HELLS: variants seen among roughly 807,000 people sequenced by gnomAD.
HELLS encodes lymphoid-specific helicase.
Under a neutral mutation model 120.0 loss-of-function variants are expected in HELLS, and 32 were observed. The observed-to-expected ratio is 0.27, with a 90% CI of 0.20 to 0.36. HELLS has a LOEUF of 0.36. Among genes scored for constraint, HELLS ranks in the 10% least tolerant of loss-of-function variants. The pLI is 1.00. For missense variants in HELLS, 650 were observed against 993.4 expected (o/e 0.65, Z 4.65); for synonymous variants, 341 against 323.4 (o/e 1.05, Z -0.58).
intron 12 of HELLS, among the ~76,000 whole-genome samples, chr10:94,585,065 T>G (rs1410508899): frequency 6.6e-6 from 1 of 152,014 alleles, no homozygotes; most frequent in East Asian, 1.9e-4. Context: ...TTCCTTTCCT[T>G]TTTTTATGCA....
At chr10:94,588,185 G>A (rs1845276517) in intron 12 of HELLS, 44 bp from the exon 13 acceptor site, 6 of 1,210,248 alleles carry the variant, frequency 5.0e-6, no homozygotes, top group Non-Finnish European at 5.9e-6. Context: ...TGAAAAACAA[G>A]AATGTTTAAT....
chr10:94,596,833 A>C (rs1171968729), intron 19 of HELLS, 27 bp from the exon 20 acceptor site: 12 of 1,141,856 alleles, frequency 1.1e-5, no homozygotes, highest in Non-Finnish European at 1.6e-5. Context: ...AGGAATTTTA[A>C]TGTTTTTAAT....
intron 10 of HELLS, chr10:94,577,740 A>G (rs1170427256): frequency 1.3e-5 from 2 of 152,358 alleles, no homozygotes; most frequent in Non-Finnish European, 2.9e-5. Context: ...AGCCTGGCCA[A>G]CATGACGAAA....
At position 94,545,841 on chromosome 10, in the gene HELLS, C is replaced by T. The variant is rs1240509000; in HGVS notation, c.-81C>T. ...GGGGGATTTGGCTAGAAGGCTGGGC[C>T]GGCAGCGGTTGTGAGGAGTTAGCTC... On this transcript the variant is annotated 5_prime_UTR_variant, in exon 1 of 22. Coordinates refer to ENST00000348459, the MANE Select transcript of HELLS (RefSeq NM_018063.5). 6 of 1,460,742 alleles carry T rather than the reference C, an allele frequency of 4.1e-6. No homozygotes were observed. Among genetic ancestry groups the T allele is most frequent in the South Asian group, 1.2e-5 (1 of 82,236 alleles). 90.5% of individuals were successfully genotyped at this position (1,460,742 alleles called of 1,614,324 possible).
downstream of HELLS, among the ~76,000 whole-genome samples, chr10:94,603,832 CCT>C (rs1846094976): frequency 5.1e-5 from 3 of 58,956 alleles, no homozygotes; most frequent in African/African-American, 1.6e-4. Context: ...TTCTTTCTTT[CCT>C]TTTTTTCCCC....
intron 12 of HELLS, among the ~76,000 whole-genome samples, chr10:94,584,889 G>A (rs889829505): frequency 6.6e-6 from 1 of 152,044 alleles, no homozygotes; most frequent in Non-Finnish European, 1.5e-5. Flanking sequence ...AATATTCTCT[G>A]TAATACTGTG....
At chr10:94,571,116 C>G (rs1483306420) in intron 6 of HELLS, 2 of 264,254 alleles carry the variant, frequency 7.6e-6, no homozygotes, top group East Asian at 2.1e-4. Flanking sequence ...TGTACTTAAT[C>G]TACTCAGATT....
At chr10:94,553,280 ACT>A (rs926465327) in intron 2 of HELLS, among the ~76,000 whole-genome samples, 1 of 148,840 alleles carries the variant, frequency 6.7e-6, no homozygotes, top group African/African-American at 2.5e-5. Flanking sequence ...ACGGAGTCTC[ACT>A]CTGTCACCCA....
At position 94,554,644 on chromosome 10, in the gene HELLS, G is replaced by GTTTTTTTTTTTTT. The variant is rs199878580; in HGVS notation, c.276+407_276+408insTTTTTTTTTTTTT. On this transcript the variant is annotated intron_variant, in intron 3 of 21. Coordinates refer to ENST00000348459, the MANE Select transcript of HELLS (RefSeq NM_018063.5). ...TCCTTGGAATCTTCAAAGTAATAGT[G>GTTTTTTTTTTTTT]TTTTTTTTTTTGTTTTTTTTTTTTT... is the stretch of plus-strand genomic sequence containing the variant. Among the ~76,000 whole-genome samples the GTTTTTTTTTTTTT allele has an allele frequency of 1.3e-4, 13 of 103,104 alleles. 3 individuals carry two copies. Among genetic ancestry groups the GTTTTTTTTTTTTT allele is most frequent in the African/African-American group, 3.1e-4 (8 of 25,948 alleles). 67.6% of individuals were successfully genotyped at this position (103,104 alleles called of 152,430 possible). A position where few individuals can be genotyped will look rare whatever the true frequency, so the allele number is the denominator to read the frequency against.
intron 18 of HELLS, among the ~76,000 whole-genome samples, chr10:94,593,829 AT>A (rs566593692): frequency 6.6e-6 from 1 of 151,884 alleles, no homozygotes; most frequent in South Asian, 2.1e-4. Flanking sequence ...TGCCTGGCTA[AT>A]TTTTGTGTTT....
In HELLS at chr10:94,596,962, T is replaced by A; in HGVS notation, c.2345+6T>A. The A allele has an allele frequency of 6.9e-7, 1 of 1,459,110 alleles. No homozygotes were observed. The highest frequency in any genetic ancestry group is 9.6e-7 in the Non-Finnish European group (1 of 1,046,272). 90.4% of individuals were successfully genotyped at this position (1,459,110 alleles called of 1,614,324 possible). A position where few individuals can be genotyped will look rare whatever the true frequency, so the allele number is the denominator to read the frequency against. ...AAATCTAGAGATTATGAAAGGTGAG[T>A]TTTTAATTTTAGAAAGATTTAATTT... On this transcript the variant is annotated splice_donor_region_variant and intron_variant, in intron 20 of 21. Transcript: ENST00000348459.
In HELLS at chr10:94,597,587, C is replaced by T. The variant is rs532398982; in HGVS notation, c.2422+476C>T. Among the ~76,000 whole-genome samples the T allele has an allele frequency of 6.6e-5, 10 of 152,144 alleles. No individual in the cohort carries two copies. In the East Asian group the frequency reaches 7.7e-4, roughly 12 times the overall value. On this transcript the variant is annotated intron_variant, in intron 21 of 21. Transcript: ENST00000348459. ...TTGCCCTGTCGCCCAGGCTGGAGTG[C>T]GCTGACACGATCTCAGCTCACTGCA...
rs1195370295 is a variant in HELLS at position 94,574,151 on chromosome 10, G to A, written c.669G>A (p.Met223Ile). 1.2e-6 allele frequency: 2 copies of A among 1,613,838 alleles called. No homozygotes were observed. The highest frequency in any genetic ancestry group is 1.7e-5 in the Admixed American group (1 of 60,026). The change falls in exon 8 of 22, where the codon ATG becomes ATA. Residue 223 changes from methionine to isoleucine, a missense_variant. Met to Ile is a conservative substitution (Grantham distance 10). Coordinates refer to ENST00000348459, the MANE Select transcript of HELLS (RefSeq NM_018063.5). ...QQPKHFTGGV[M>I]RWYQVEGMEW... ...CAAAGCACTTCACTGGAGGAGTGAT[G>A]CGATGGTACCAAGTAGAAGGCATGG...
intron 2 of HELLS, among the ~76,000 whole-genome samples, chr10:94,550,066 A>G (rs1015890408): frequency 1.3e-5 from 2 of 151,916 alleles, no homozygotes; most frequent in Non-Finnish European, 2.9e-5. Flanking sequence ...GATTACAGGC[A>G]TGTGCCGCCA....
intron 13 of HELLS, among the ~76,000 whole-genome samples, chr10:94,589,899 G>A (rs1221349435): frequency 6.6e-6 from 1 of 151,940 alleles, no homozygotes; most frequent in Admixed American, 6.6e-5. Context: ...ATGGTAGCCA[G>A]GATGGTCTCG....
chr10:94,573,255 G>A (rs1844267909), intron 7 of HELLS, among the ~76,000 whole-genome samples: 2 of 152,246 alleles, frequency 1.3e-5, no homozygotes, highest in Admixed American at 1.3e-4. Flanking sequence ...ACCATGCCCG[G>A]CCTGTATGTT....
exon 10 of HELLS, chr10:94,613,661 GT>G (rs1302920779): frequency 6.6e-6 from 1 of 151,910 alleles, no homozygotes; most frequent in Admixed American, 6.6e-5. Flanking sequence ...TAGATATTTA[GT>G]TTGCTGGTAT....
At chr10:94,600,586 TA>T (rs1270996880) in intron 21 of HELLS, among the ~76,000 whole-genome samples, 24 of 152,306 alleles carry the variant, frequency 1.6e-4, no homozygotes, top group African/African-American at 5.8e-4. Flanking sequence ...AAATTCCTAT[TA>T]ATCAATAGAT....
chr10:94,612,285 G>T (rs1269125021), exon 10 of HELLS: 1 of 152,204 alleles, frequency 6.6e-6, no homozygotes, highest in Non-Finnish European at 1.5e-5. Context: ...TGCAATGTAT[G>T]TATTATAATG....
Sources: gnomAD v4.1 joint callset for allele counts (sites outside exome capture counted in the v4.1 genomes callset) on GRCh38, gnomAD v4.1.1 for gene constraint, MANE v1.5 for transcripts, NCBI Gene and HGNC (gene_info 2026-07-23, HGNC 2026-07-21) for gene names.